Variants in NHS observed in about 807,000 individuals in gnomAD.
NHS encodes actin remodeling regulator NHS.
Under a neutral mutation model 72.5 loss-of-function variants are expected in NHS, and 5 were observed. That is an observed-to-expected ratio of 0.07 (90% CI 0.04 to 0.14). The LOEUF (loss-of-function observed/expected upper bound fraction) is 0.14. Among genes scored for constraint, NHS ranks in the 10% least tolerant of loss-of-function variants. The pLI, the probability that NHS is intolerant of heterozygous loss-of-function variation, is 1.00. For missense variants in NHS, 1,072 were observed against 1,355.7 expected (o/e 0.79, Z 3.29); for synonymous variants, 464 against 547.7 (o/e 0.85, Z 2.13).
rs2066510551 is a variant in NHS at position 17,734,673 on chromosome X, C to T, written c.*2209C>T. ...TGGACCACCATTTCTCATTGGAACC[C>T]ATTAATTAAGAAAACCAGCATGGTT... On this transcript the variant is annotated 3_prime_UTR_variant, in exon 9 of 9. Coordinates refer to ENST00000676302, the MANE Select transcript of NHS (RefSeq NM_001291867.2). The T allele has an allele frequency of 8.9e-6, 1 of 112,260 alleles. No individual in the cohort carries two copies. The highest frequency in any genetic ancestry group is 1.9e-5 in the Non-Finnish European group (1 of 53,170). The allele number at this position is 112,260 out of a possible 1,213,427, so 9.3% of individuals were successfully genotyped here.
chrX:17,570,319 A>AT (rs1338627076), intron 1 of NHS, among the ~76,000 whole-genome samples: 4 of 111,910 alleles, frequency 3.6e-5, no homozygotes, highest in African/African-American at 1.3e-4. Flanking sequence ...ATGTTTTTCC[A>AT]TTGTTTGTGT....
chrX:17,465,831 A>G (rs1225134803), intron 1 of NHS, among the ~76,000 whole-genome samples: 1 of 112,520 alleles, frequency 8.9e-6, no homozygotes, highest in Non-Finnish European at 1.9e-5. Context: ...GCTGTTTTAC[A>G]TCCATTGCCT....
intron 1 of NHS, among the ~76,000 whole-genome samples, chrX:17,665,318 ATTTTTTTTTT>A (rs34661609): frequency 3.7e-5 from 2 of 54,730 alleles, no homozygotes; most frequent in Non-Finnish European, 6.0e-5. Context: ...TTACCTATAG[ATTTTTTTTTT>A]TTTTTTTTTT....
chrX:17,526,693 A>G (rs954669556), intron 1 of NHS, among the ~76,000 whole-genome samples: 2 of 111,395 alleles, frequency 1.8e-5, no homozygotes, highest in African/African-American at 6.5e-5. Flanking sequence ...TATTATTTCT[A>G]TGCGCATTTC....
rs138600876 is a variant in NHS, at chrX:17,545,513, T to A, written c.566-142229T>A. Among the ~76,000 whole-genome samples the A allele has an allele frequency of 9.1e-3, 1,014 of 111,568 alleles. 9 individuals carry two copies. Among genetic ancestry groups the A allele is most frequent in the African/African-American group, 0.031 (949 of 30,691 alleles). Reference sequence around the variant, plus strand: ...TGTACATCACATTGGCCAGGACTCATTCACATGGGCACCCCTGACTGTAAG... The same window carrying A: ...TGTACATCACATTGGCCAGGACTCAATCACATGGGCACCCCTGACTGTAAG... On this transcript the variant is annotated intron_variant, in intron 1 of 8. Transcript: ENST00000676302.
In NHS at chrX:17,500,114, C is replaced by G. The variant is rs544876983; in HGVS notation, c.565+123792C>G. 2.8e-4 allele frequency among the ~76,000 whole-genome samples: 31 copies of G among 112,322 alleles called. 1 individual carries two copies. The South Asian group carries it at 0.012, about 42-fold the overall frequency. On this transcript the variant is annotated intron_variant, in intron 1 of 8. Transcript: ENST00000676302. The stretch of plus-strand genomic sequence containing the variant: ...CTGGAATTGAGTCTGGGACTTCCTC[C>G]GTGCCTGTAAACCACTTTGATGTTA...
intron 1 of NHS, among the ~76,000 whole-genome samples, chrX:17,678,768 C>A (rs1433921421): frequency 9.0e-6 from 1 of 111,637 alleles, no homozygotes; most frequent in Non-Finnish European, 1.9e-5. Flanking sequence ...ATCTTTGTAG[C>A]CCTTTCACTA....
chrX:17,719,668 G>A (rs1167000427), intron 4 of NHS, among the ~76,000 whole-genome samples: 6 of 110,677 alleles, frequency 5.4e-5, no homozygotes, highest in African/African-American at 2.0e-4. Context: ...GGACTTTGTA[G>A]TCTGGCAGAG....
At chrX:17,443,762 C>T (rs775673942) in intron 1 of NHS, among the ~76,000 whole-genome samples, 72 of 112,020 alleles carry the variant, frequency 6.4e-4, no homozygotes, top group Non-Finnish European at 1.1e-3. Flanking sequence ...TTATACGTGT[C>T]GAAATCAGTT....
chrX:17,695,927 T>TAA (rs371466910), intron 3 of NHS, among the ~76,000 whole-genome samples: 3 of 69,515 alleles, frequency 4.3e-5, no homozygotes, highest in African/African-American at 6.0e-5. Context: ...AAAGCTTCCT[T>TAA]AAAAAAAAAA....
intron 1 of NHS, among the ~76,000 whole-genome samples, chrX:17,480,564 A>C (rs1187485206): frequency 8.9e-6 from 1 of 112,237 alleles, no homozygotes; most frequent in Non-Finnish European, 1.9e-5. Flanking sequence ...GGTGTTGGGG[A>C]AACTGGCTAG....
chrX:17,585,525 A>C (rs1338863018), intron 1 of NHS, among the ~76,000 whole-genome samples: 1 of 110,668 alleles, frequency 9.0e-6, no homozygotes, highest in Non-Finnish European at 1.9e-5. Flanking sequence ...CTAAAGATCC[A>C]TTGGGATCCA....
intron 1 of NHS, among the ~76,000 whole-genome samples, chrX:17,639,275 A>C (rs905853905): frequency 2.7e-5 from 3 of 112,234 alleles, no homozygotes; most frequent in Non-Finnish European, 1.9e-5. Flanking sequence ...CTTGGCTCTG[A>C]GCATCAAACA....
At chrX:17,598,329 A>C (rs773819816) in intron 1 of NHS, among the ~76,000 whole-genome samples, 1 of 112,312 alleles carries the variant, frequency 8.9e-6, no homozygotes, top group Non-Finnish European at 1.9e-5. Context: ...CCAAGATAAT[A>C]TTTTTCCCTC....
chrX:17,377,416 C>T (rs763340436), intron 1 of NHS, among the ~76,000 whole-genome samples: 1 of 113,305 alleles, frequency 8.8e-6, no homozygotes, highest in South Asian at 3.6e-4. Context: ...GTTGGCGCGA[C>T]GGTCCTTTGG....
At chrX:17,441,434 T>G (rs922291404) in intron 1 of NHS, among the ~76,000 whole-genome samples, 1 of 111,807 alleles carries the variant, frequency 8.9e-6, no homozygotes, top group Non-Finnish European at 1.9e-5. Context: ...CCAATAAGAG[T>G]AGGTGTCATT....
intron 1 of NHS, among the ~76,000 whole-genome samples, chrX:17,385,311 C>T (rs942293383): frequency 2.7e-5 from 3 of 110,866 alleles, no homozygotes; most frequent in Admixed American, 9.6e-5. Context: ...CCCAGGAGTT[C>T]GAGACTAGAC....
chrX:17,631,806 T>A (rs748351408), intron 1 of NHS, among the ~76,000 whole-genome samples: 1 of 112,048 alleles, frequency 8.9e-6, no homozygotes, highest in Admixed American at 9.4e-5. Flanking sequence ...ATTTTTCGCT[T>A]GTGTAAAAGA....
intron 1 of NHS, among the ~76,000 whole-genome samples, chrX:17,562,568 G>A (rs1569282332): frequency 9.0e-6 from 1 of 111,459 alleles, no homozygotes. Context: ...ACAGATGGTG[G>A]CTGCTATAAT....
Sources: allele counts gnomAD v4.1 joint callset (sites outside exome capture counted in the v4.1 genomes callset), GRCh38; gene constraint gnomAD v4.1.1; transcripts MANE v1.5; gene names NCBI Gene and HGNC (gene_info 2026-07-23, HGNC 2026-07-21).